The following PTPRD variants were observed in gnomAD, a reference collection of about 807,000 sequenced individuals.
PTPRD encodes the protein protein tyrosine phosphatase receptor type D.
Under a neutral mutation model 214.5 loss-of-function variants are expected in PTPRD, and 34 were observed. That is an observed-to-expected ratio of 0.16 (90% CI 0.12 to 0.21). The LOEUF (loss-of-function observed/expected upper bound fraction) is 0.21. PTPRD is among the 10% of genes least tolerant of loss of function. The probability of loss-of-function intolerance (pLI) is 1.00; values close to 1 mark genes in which losing one functional copy is unlikely to be tolerated. For synonymous variants in PTPRD, 1,128 were observed against 845.7 expected (o/e 1.33, Z -5.79); for missense variants, 2,545 against 2,398.7 (o/e 1.06, Z -1.27).
intron 11 of PTPRD, among the ~76,000 whole-genome samples, chr9:8,877,386 T>A (rs961941841): frequency 6.6e-6 from 1 of 152,182 alleles, no homozygotes; most frequent in Non-Finnish European, 1.5e-5. Context: ...AAACACCTTA[T>A]TTTTACCTGT....
In PTPRD at chr9:8,849,123, A is replaced by C. The variant is rs371079173; in HGVS notation, c.-103-115177T>G. 2.0e-5 allele frequency among the ~76,000 whole-genome samples: 3 copies of C among 151,454 alleles called. No homozygotes were observed. The East Asian group carries it at 5.9e-4, about 30-fold the overall frequency. ...CATTGTGAGAGGTTTCTAATGAATA[A>C]TTATTCTTCACATTTTATGGTTTCA... On this transcript the variant is annotated intron_variant, in intron 11 of 45. Transcript: ENST00000381196.
Position 9,844,178 on chromosome 9 carries a change from T to C in PTPRD, c.-367-77327A>G, listed in dbSNP as rs555117815. 5.9e-5 allele frequency among the ~76,000 whole-genome samples: 9 copies of C among 152,146 alleles called. 1 individual carries two copies. The highest frequency in any genetic ancestry group is 5.9e-4 in the Admixed American group (9 of 15,252). On this transcript the variant is annotated intron_variant, in intron 5 of 45. Transcript: ENST00000381196. ...TATTGTTTTTTGTCTAGCTTTCACT[T>C]TCTTGAATTAAAATTTTAATTGACA...
intron 9 of PTPRD, among the ~76,000 whole-genome samples, chr9:9,310,144 G>A (rs1027092535): frequency 1.3e-5 from 2 of 152,134 alleles, no homozygotes; most frequent in Non-Finnish European, 2.9e-5. Flanking sequence ...AAGGCAGCAA[G>A]GTCACATAGG....
At chr9:9,804,459 C>A (rs1170605102) in intron 5 of PTPRD, among the ~76,000 whole-genome samples, 1 of 152,036 alleles carries the variant, frequency 6.6e-6, no homozygotes, top group Non-Finnish European at 1.5e-5. Flanking sequence ...TCTAAAATTT[C>A]TATGAACAAA....
chr9:8,626,641 A>C (rs1166100002), intron 14 of PTPRD, among the ~76,000 whole-genome samples: 3 of 151,828 alleles, frequency 2.0e-5, no homozygotes, highest in Non-Finnish European at 4.4e-5. Flanking sequence ...TTATCCAATC[A>C]GGTAAAACAC....
At position 10,202,989 on chromosome 9, in the gene PTPRD, C is replaced by T. The variant is rs545315628; in HGVS notation, c.-545+137974G>A. ...TCTGTCATTTAAGCCACCCAGACAA[C>T]GGTATTCTGTTATAGAAATTTAAAC... On this transcript the variant is annotated intron_variant, in intron 3 of 45. Transcript: ENST00000381196. 2.2e-4 allele frequency among the ~76,000 whole-genome samples: 33 copies of T among 151,720 alleles called. No individual in the cohort carries two copies. The South Asian group carries it at 4.6e-3, about 21-fold the overall frequency.
At chr9:8,988,026 C>CG (rs1480396544) in intron 11 of PTPRD, among the ~76,000 whole-genome samples, 1 of 151,002 alleles carries the variant, frequency 6.6e-6, no homozygotes, top group Non-Finnish European at 1.5e-5. Flanking sequence ...AGAGAGAGGC[C>CG]GGGGGAGATG....
intron 32 of PTPRD, among the ~76,000 whole-genome samples, chr9:8,465,220 GA>G (rs1276261113): frequency 3.3e-5 from 5 of 151,850 alleles, no homozygotes; most frequent in Non-Finnish European, 5.9e-5. Flanking sequence ...ATGTCCTATC[GA>G]TCTGGAACTT....
intron 2 of PTPRD, among the ~76,000 whole-genome samples, chr9:10,475,741 CA>C (rs577027272): frequency 6.6e-6 from 1 of 152,136 alleles, no homozygotes; most frequent in South Asian, 2.1e-4. Flanking sequence ...AAAATACTAG[CA>C]AATCAAATCC....
chr9:9,890,528 A>G (rs943826541), intron 5 of PTPRD, among the ~76,000 whole-genome samples: 2 of 152,058 alleles, frequency 1.3e-5, no homozygotes, highest in African/African-American at 4.8e-5. Context: ...TTTTACTATT[A>G]AAATTGCTGT....
At chr9:9,600,021 T>C (rs1294283261) in intron 7 of PTPRD, among the ~76,000 whole-genome samples, 3 of 151,990 alleles carry the variant, frequency 2.0e-5, no homozygotes, top group Admixed American at 6.6e-5. Context: ...ATAGGTAAAA[T>C]GCATTCTAAA....
chr9:9,096,847 T>A (rs1289883142), intron 10 of PTPRD, among the ~76,000 whole-genome samples: 1 of 152,218 alleles, frequency 6.6e-6, no homozygotes, highest in Non-Finnish European at 1.5e-5. Context: ...TAGGACTGCA[T>A]GTCAGGGATG....
intron 7 of PTPRD, among the ~76,000 whole-genome samples, chr9:9,731,002 G>T (rs1013043102): frequency 6.6e-6 from 1 of 152,032 alleles, no homozygotes; most frequent in Non-Finnish European, 1.5e-5. Context: ...GGAACAAATT[G>T]CCAGAACTAC....
intron 39 of PTPRD, among the ~76,000 whole-genome samples, chr9:8,352,694 G>A (rs1185841703): frequency 6.6e-6 from 1 of 152,164 alleles, no homozygotes. Context: ...GCCACTGGAA[G>A]GTACTTGGAG....
intron 3 of PTPRD, among the ~76,000 whole-genome samples, chr9:10,302,406 A>C (rs1464619626): frequency 1.3e-5 from 2 of 152,216 alleles, no homozygotes; most frequent in African/African-American, 4.8e-5. Context: ...GATCAAATTC[A>C]CACATAACAA....
chr9:8,341,510 T>C (rs1021179435), intron 40 of PTPRD, among the ~76,000 whole-genome samples, 183 bp downstream of exon 40: 3 of 152,060 alleles, frequency 2.0e-5, no homozygotes, highest in African/African-American at 2.4e-5. Context: ...GCTCAAGATA[T>C]TGTTAGGAAG....
At chr9:9,271,122 T>G (rs1942741970) in intron 9 of PTPRD, among the ~76,000 whole-genome samples, 1 of 151,304 alleles carries the variant, frequency 6.6e-6, no homozygotes, top group Admixed American at 6.6e-5. Flanking sequence ...CCTGAAACTC[T>G]AAATTACATA....
At chr9:8,945,120 C>A (rs1296555575) in intron 11 of PTPRD, among the ~76,000 whole-genome samples, 2 of 151,902 alleles carry the variant, frequency 1.3e-5, no homozygotes, top group Non-Finnish European at 2.9e-5. Context: ...ATCAGGGAAA[C>A]AATTTACTTT....
chr9:10,153,021 G>A (rs970388176), intron 3 of PTPRD, among the ~76,000 whole-genome samples: 2 of 152,182 alleles, frequency 1.3e-5, no homozygotes, highest in African/African-American at 4.8e-5. Flanking sequence ...TGATGGGTGA[G>A]GAATGGGGAG....
Sources: allele counts gnomAD v4.1 joint callset (sites outside exome capture counted in the v4.1 genomes callset), GRCh38; gene constraint gnomAD v4.1.1; transcripts MANE v1.5; gene names NCBI Gene and HGNC (gene_info 2026-07-23, HGNC 2026-07-21).